The following PDE1C variants were observed in gnomAD, a reference collection of about 807,000 sequenced individuals.
The protein encoded by PDE1C is dual specificity calcium/calmodulin-dependent 3',5'-cyclic nucleotide phosphodiesterase 1C.
PDE1C carries 62 observed loss-of-function variants against 93.1 expected under a neutral mutation model. The observed-to-expected ratio is 0.67, with a 90% CI of 0.54 to 0.82. The LOEUF is 0.82. PDE1C is among the 40% of genes least tolerant of loss of function. PDE1C has a pLI of 0.00. For missense variants in PDE1C, 742 were observed against 884.6 expected, an observed-to-expected ratio of 0.84 and a Z score of 2.04; for synonymous variants, 325 against 310.1, an observed-to-expected ratio of 1.05 and a Z score of -0.50.
At chr7:31,886,143 TAA>T (rs978715375) in intron 2 of PDE1C, among the ~76,000 whole-genome samples, 3 of 152,196 alleles carry the variant, frequency 2.0e-5, no homozygotes, top group African/African-American at 4.8e-5. Context: ...TCATGAGCCC[TAA>T]AAACTCATTT....
intron 3 of PDE1C, among the ~76,000 whole-genome samples, chr7:32,163,390 G>C (rs1378854346): frequency 1.3e-5 from 2 of 152,174 alleles, no homozygotes; most frequent in Admixed American, 1.3e-4. Flanking sequence ...AAATGAGGAT[G>C]AGTTCAACGA....
intron 16 of PDE1C, among the ~76,000 whole-genome samples, chr7:31,798,957 C>T (rs1785649635): frequency 6.6e-6 from 1 of 151,564 alleles, no homozygotes; most frequent in African/African-American, 2.4e-5. Context: ...TAAAGACAAT[C>T]CAAAACTATC....
At chr7:32,223,165 T>G (rs1806999338) in intron 1 of PDE1C, among the ~76,000 whole-genome samples, 1 of 152,224 alleles carries the variant, frequency 6.6e-6, no homozygotes, top group Non-Finnish European at 1.5e-5. Flanking sequence ...AGAGTTCATC[T>G]TCTCCTCTCA....
At chr7:31,742,991 AGT>A in the PDE1C span, among the ~76,000 whole-genome samples, 1 of 152,026 alleles carries the variant, frequency 6.6e-6, no homozygotes, top group Non-Finnish European at 1.5e-5. Flanking sequence ...CTACTTCCCA[AGT>A]TCATAACAAA....
chr7:32,307,291 T>A (rs1185053857), intron 1 of PDE1C, among the ~76,000 whole-genome samples: 1 of 152,130 alleles, frequency 6.6e-6, no homozygotes, highest in African/African-American at 2.4e-5. Context: ...CATAGCTTCA[T>A]CAGCACCTAG....
At chr7:31,749,314 G>T (rs565506605), downstream of PDE1C, among the ~76,000 whole-genome samples, 15 of 152,222 alleles carry the variant, frequency 9.9e-5, no homozygotes, top group African/African-American at 1.4e-4. Context: ...AGGAGAGGTG[G>T]TGGTGGAAGT....
intron 1 of PDE1C, among the ~76,000 whole-genome samples, chr7:32,242,906 A>G (rs1171602408): frequency 6.6e-6 from 1 of 152,238 alleles, no homozygotes; most frequent in Non-Finnish European, 1.5e-5. Flanking sequence ...TGAGAGCTGT[A>G]CAAGGCCCTG....
intron 2 of PDE1C, among the ~76,000 whole-genome samples, chr7:31,910,834 C>T (rs1801139254): frequency 6.6e-6 from 1 of 152,122 alleles, no homozygotes; most frequent in Non-Finnish European, 1.5e-5. Flanking sequence ...GTTTATAATG[C>T]ATTTAAGAGG....
intron 7 of PDE1C, 68 bp downstream of exon 7, chr7:31,864,874 G>C (rs1439426595): frequency 2.0e-6 from 3 of 1,495,584 alleles, no homozygotes; most frequent in Non-Finnish European, 2.8e-6. Context: ...ATCAGAATTG[G>C]AACAGTCACC....
intron 12 of PDE1C, among the ~76,000 whole-genome samples, chr7:31,825,606 G>C (rs2128743302): frequency 6.6e-6 from 1 of 152,282 alleles, no homozygotes; most frequent in Non-Finnish European, 1.5e-5. Flanking sequence ...TCTTTGGAAA[G>C]TTAATCTGGC....
intron 1 of PDE1C, among the ~76,000 whole-genome samples, chr7:32,420,666 G>A (rs183722086): frequency 1.1e-3 from 171 of 150,658 alleles, no homozygotes; most frequent in Non-Finnish European, 1.8e-3. Context: ...CTGTGCAAAT[G>A]CAAGTTATTT....
chr7:31,786,952 TCTATCATCTATCTATCTATCTATCTAC>T, intron 16 of PDE1C: 1 of 113,646 alleles, frequency 8.8e-6, no homozygotes, highest in Admixed American at 8.2e-5. Flanking sequence ...TATCTATCTA[TCTATCATCTATCTATCTATCTATCTAC>T]CTACCTACCT....
At chr7:32,070,127 A>T (rs2128725849) in intron 1 of PDE1C, among the ~76,000 whole-genome samples, 166 bp downstream of exon 1, 1 of 152,330 alleles carries the variant, frequency 6.6e-6, no homozygotes, top group South Asian at 2.1e-4. Flanking sequence ...CTGTGTTGGA[A>T]GAAAAGTAGC....
At chr7:32,263,964 C>A (rs552153489) in intron 1 of PDE1C, among the ~76,000 whole-genome samples, 4 of 152,220 alleles carry the variant, frequency 2.6e-5, no homozygotes, top group African/African-American at 9.6e-5. Context: ...GATTTTTCCT[C>A]AATATTTCAC....
chr7:31,618,127 T>G, the PDE1C span, among the ~76,000 whole-genome samples: 1 of 152,306 alleles, frequency 6.6e-6, no homozygotes, highest in East Asian at 1.9e-4. Context: ...CCCATCATTG[T>G]GATAGGAGCA....
At chr7:31,723,049 A>C in the PDE1C span, among the ~76,000 whole-genome samples, 115 of 152,082 alleles carry the variant, frequency 7.6e-4, no homozygotes, top group Middle Eastern at 6.8e-3. Context: ...CTGCCCTTCA[A>C]CTCATCTGTG....
At chr7:31,961,417 A>C (rs1267890813) in intron 2 of PDE1C, among the ~76,000 whole-genome samples, 2 of 152,152 alleles carry the variant, frequency 1.3e-5, no homozygotes, top group Non-Finnish European at 2.9e-5. Context: ...TCTCTTTAAA[A>C]GGAATGAAGT....
chr7:32,186,775 T>C (rs1803915549), intron 2 of PDE1C, among the ~76,000 whole-genome samples: 1 of 152,180 alleles, frequency 6.6e-6, no homozygotes, highest in Non-Finnish European at 1.5e-5. Context: ...TTTTGTCATC[T>C]AACTCATGGG....
At chr7:31,770,150 C>T (rs1303403716) in intron 17 of PDE1C, among the ~76,000 whole-genome samples, 1 of 152,152 alleles carries the variant, frequency 6.6e-6, no homozygotes, top group Non-Finnish European at 1.5e-5. Flanking sequence ...TTTGTATTTC[C>T]TTAATGACTA....
Sources: gnomAD v4.1 joint callset for allele counts (sites outside exome capture counted in the v4.1 genomes callset) on GRCh38, gnomAD v4.1.1 for gene constraint, MANE v1.5 for transcripts, NCBI Gene and HGNC (gene_info 2026-07-23, HGNC 2026-07-21) for gene names.